CDH13: variants seen among roughly 807,000 people sequenced by gnomAD.
The protein encoded by CDH13 is cadherin-13.
In CDH13, 24 loss-of-function variants were observed where a neutral mutation model predicts 63.8. The ratio of observed to expected loss-of-function variants is 0.38; its 90% CI spans 0.27 to 0.53. The LOEUF is 0.53. Ranked by LOEUF, CDH13 falls within the 20% of genes least tolerant of loss-of-function variation. CDH13 has a pLI of 0.85. For missense variants in CDH13, 1,049 were observed against 903.1 expected, an observed-to-expected ratio of 1.16 and a Z score of -2.07; for synonymous variants, 503 against 355.3, an observed-to-expected ratio of 1.42 and a Z score of -4.67.
intron 6 of CDH13, among the ~76,000 whole-genome samples, chr16:83,363,136 A>G (rs549117084): frequency 6.6e-6 from 1 of 152,346 alleles, no homozygotes; most frequent in East Asian, 1.9e-4. Context: ...TAAAGTATCA[A>G]TCAGAGATGC....
chr16:83,008,500 C>G (rs1913780094), intron 2 of CDH13, among the ~76,000 whole-genome samples: 2 of 152,148 alleles, frequency 1.3e-5, no homozygotes, highest in Admixed American at 1.3e-4. Context: ...GAGAGTAGCA[C>G]AAAATGCGTA....
intron 10 of CDH13, among the ~76,000 whole-genome samples, chr16:83,702,678 G>A (rs1402831444): frequency 6.6e-6 from 1 of 152,192 alleles, no homozygotes; most frequent in Non-Finnish European, 1.5e-5. Context: ...CAAGGTCGGT[G>A]GCCATGTGCC....
chr16:82,657,918 T>G (rs972487938), intron 1 of CDH13, among the ~76,000 whole-genome samples: 4 of 152,212 alleles, frequency 2.6e-5, no homozygotes, highest in East Asian at 3.8e-4. Context: ...TCTTTTCTTA[T>G]CTTACTGCAT....
At chr16:83,319,506 A>G (rs2090176043) in intron 5 of CDH13, among the ~76,000 whole-genome samples, 1 of 152,222 alleles carries the variant, frequency 6.6e-6, no homozygotes, top group Admixed American at 6.5e-5. Context: ...AAACAGGCCG[A>G]ATTGAATATC....
At chr16:83,056,503 A>G (rs901166659) in intron 3 of CDH13, among the ~76,000 whole-genome samples, 1 of 152,198 alleles carries the variant, frequency 6.6e-6, no homozygotes, top group African/African-American at 2.4e-5. Context: ...AAAAATATGG[A>G]TAAACTTAAT....
intron 2 of CDH13, chr16:82,953,521 G>C (rs741590): frequency 6.6e-6 from 1 of 152,072 alleles, no homozygotes; most frequent in African/African-American, 2.4e-5. Flanking sequence ...TTTTGCTTTT[G>C]ACTGAAATGA....
intron 2 of CDH13, among the ~76,000 whole-genome samples, chr16:83,016,211 C>T (rs572691969): frequency 6.6e-6 from 1 of 152,302 alleles, no homozygotes; most frequent in South Asian, 2.1e-4. Flanking sequence ...AGAAAACCCA[C>T]GTATGCACAC....
chr16:83,029,513 C>T (rs1567759827), intron 2 of CDH13, among the ~76,000 whole-genome samples: 1 of 152,186 alleles, frequency 6.6e-6, no homozygotes, highest in Non-Finnish European at 1.5e-5. Flanking sequence ...GGATACTATA[C>T]AGTGATCAGT....
intron 6 of CDH13, among the ~76,000 whole-genome samples, chr16:83,475,348 T>C (rs2073574529): frequency 6.6e-6 from 1 of 152,194 alleles, no homozygotes; most frequent in African/African-American, 2.4e-5. Context: ...TGCAACTCTC[T>C]GCCGCTCCTG....
intron 7 of CDH13, among the ~76,000 whole-genome samples, chr16:83,567,515 G>C (rs1281079199): frequency 1.3e-5 from 2 of 152,166 alleles, no homozygotes. Flanking sequence ...TTCTAAGGCA[G>C]AAATATGTAC....
intron 3 of CDH13, among the ~76,000 whole-genome samples, chr16:83,061,552 A>G (rs1368400800): frequency 6.6e-6 from 1 of 152,168 alleles, no homozygotes; most frequent in Non-Finnish European, 1.5e-5. Context: ...GTGCTAGGGA[A>G]GATGTTCTCC....
intron 1 of CDH13, among the ~76,000 whole-genome samples, chr16:82,849,605 C>T (rs1354482782): frequency 6.6e-6 from 1 of 152,122 alleles, no homozygotes; most frequent in Non-Finnish European, 1.5e-5. Context: ...TTGATGAAGG[C>T]GGATACATTA....
intron 10 of CDH13, among the ~76,000 whole-genome samples, chr16:83,708,223 C>T (rs1176979824): frequency 6.6e-6 from 1 of 152,240 alleles, no homozygotes; most frequent in African/African-American, 2.4e-5. Context: ...GGCCACATGC[C>T]TTGCAGCACA....
intron 7 of CDH13, among the ~76,000 whole-genome samples, chr16:83,593,366 G>C (rs1906943046): frequency 1.3e-5 from 2 of 152,120 alleles, no homozygotes; most frequent in Admixed American, 6.5e-5. Flanking sequence ...GTGTGTGCTG[G>C]AGCCCATTCT....
intron 1 of CDH13, among the ~76,000 whole-genome samples, chr16:82,807,727 A>T (rs1466164385): frequency 6.6e-6 from 1 of 152,194 alleles, no homozygotes; most frequent in African/African-American, 2.4e-5. Context: ...TGAAAGAAGC[A>T]GTTAATTCCC....
chr16:82,770,929 A>G (rs541828444), intron 1 of CDH13, among the ~76,000 whole-genome samples: 2 of 152,206 alleles, frequency 1.3e-5, no homozygotes, highest in South Asian at 2.1e-4. Flanking sequence ...GCTGGTCTTG[A>G]ACTACTAAGC....
chr16:83,580,962 G>T (rs1905540794), intron 7 of CDH13, among the ~76,000 whole-genome samples: 1 of 152,200 alleles, frequency 6.6e-6, no homozygotes, highest in Non-Finnish European at 1.5e-5. Flanking sequence ...ATCTCTATTT[G>T]TGGGAGTTAA....
At chr16:83,276,850 A>T (rs539461384) in intron 5 of CDH13, among the ~76,000 whole-genome samples, 1 of 152,196 alleles carries the variant, frequency 6.6e-6, no homozygotes. Flanking sequence ...AGCCTGGGTG[A>T]CAGAGTGAGA....
At chr16:83,673,392 G>A (rs775968508) in intron 9 of CDH13, among the ~76,000 whole-genome samples, 7 of 151,846 alleles carry the variant, frequency 4.6e-5, no homozygotes, top group Non-Finnish European at 2.9e-5. Context: ...TACCCTCCTC[G>A]CTCCAGACCT....
Sources: gnomAD v4.1 joint callset for allele counts (sites outside exome capture counted in the v4.1 genomes callset) on GRCh38, gnomAD v4.1.1 for gene constraint, MANE v1.5 for transcripts, NCBI Gene and HGNC (gene_info 2026-07-23, HGNC 2026-07-21) for gene names.